TMEM117: variants seen among roughly 807,000 people sequenced by gnomAD.
TMEM117 encodes transmembrane protein 117.
In TMEM117, 27 loss-of-function variants were observed where a neutral mutation model predicts 52.4. The observed-to-expected ratio is 0.51, with a 90% CI of 0.38 to 0.71. TMEM117 has a LOEUF of 0.71. Among genes scored for constraint, TMEM117 ranks in the 30% least tolerant of loss-of-function variants. TMEM117 has a pLI of 0.00. For synonymous variants in TMEM117, 215 were observed against 206.3 expected (o/e 1.04, Z -0.36); for missense variants, 556 against 630.5 (o/e 0.88, Z 1.26).
At chr12:44,101,738 TC>T (rs1947864632) in intron 3 of TMEM117, among the ~76,000 whole-genome samples, 1 of 152,032 alleles carries the variant, frequency 6.6e-6, no homozygotes, top group Non-Finnish European at 1.5e-5. Context: ...CTTATGTCCT[TC>T]CACTCTCCTC....
chr12:44,102,390 A>G (rs1263377995), intron 3 of TMEM117, among the ~76,000 whole-genome samples: 1 of 151,998 alleles, frequency 6.6e-6, no homozygotes, highest in Non-Finnish European at 1.5e-5. Flanking sequence ...AATGTGGAGA[A>G]GTGAGTTAGG....
intron 3 of TMEM117, among the ~76,000 whole-genome samples, chr12:44,026,390 C>G (rs1434130160): frequency 6.6e-6 from 1 of 152,104 alleles, no homozygotes; most frequent in African/African-American, 2.4e-5. Context: ...ACATGCTGGC[C>G]CAGATGCCTC....
rs116989865 is a variant in TMEM117, at chr12:43,878,021, G to A, written c.277+33093G>A. On this transcript the variant is annotated intron_variant, in intron 2 of 7. Transcript: ENST00000266534. ...CTCAAGTTCTTAAAACTGTATCTTA[G>A]TGTGTGCATGTATATCTTAGGATTG... Among the ~76,000 whole-genome samples, 850 of 151,824 alleles carry A rather than the reference G, an allele frequency of 5.6e-3. 17 individuals carry two copies. Among genetic ancestry groups the A allele is most frequent in the Admixed American group, 0.03 (454 of 15,152 alleles).
intron 4 of TMEM117, among the ~76,000 whole-genome samples, chr12:44,149,058 T>C (rs1309973066): frequency 6.6e-6 from 1 of 152,134 alleles, no homozygotes; most frequent in African/African-American, 2.4e-5. Flanking sequence ...TGAACACTCT[T>C]GAATGGAAGT....
intron 3 of TMEM117, among the ~76,000 whole-genome samples, chr12:44,118,809 A>G (rs1193283415): frequency 6.6e-6 from 1 of 152,140 alleles, no homozygotes; most frequent in Non-Finnish European, 1.5e-5. Flanking sequence ...TTATAACACC[A>G]TTTAATTAAT....
chr12:43,913,686 G>A (rs1294921875), intron 2 of TMEM117, among the ~76,000 whole-genome samples: 2 of 151,990 alleles, frequency 1.3e-5, no homozygotes, highest in Non-Finnish European at 2.9e-5. Flanking sequence ...TTTACAGTAT[G>A]CATTATATTG....
intron 3 of TMEM117, among the ~76,000 whole-genome samples, chr12:43,959,565 G>C (rs1945368512): frequency 6.6e-6 from 1 of 152,142 alleles, no homozygotes; most frequent in African/African-American, 2.4e-5. Context: ...TATTGATTGA[G>C]TAGTAGAAGC....
rs1375943182 is a variant in TMEM117 at position 43,909,965 on chromosome 12, A to G, written c.278-34245A>G. ...TCTGAAACTATTCCAATCAATAGAAAAAGAGGGAATCCTCCCTAACTCATT... is the reference window on the plus strand; with the variant it reads ...TCTGAAACTATTCCAATCAATAGAAGAAGAGGGAATCCTCCCTAACTCATT... On this transcript the variant is annotated intron_variant, in intron 2 of 7. Transcript: ENST00000266534. 3.0e-5 allele frequency among the ~76,000 whole-genome samples: 4 copies of G among 134,122 alleles called. 1 individual carries two copies. The highest frequency in any genetic ancestry group is 6.6e-5 in the Non-Finnish European group (4 of 60,946). The allele number at this position is 134,122 out of a possible 152,430, so 88.0% of individuals were successfully genotyped here. A position where few individuals can be genotyped will look rare whatever the true frequency, so the allele number is the denominator to read the frequency against.
chr12:44,148,947 A>G (rs1948683393), intron 4 of TMEM117, among the ~76,000 whole-genome samples: 1 of 152,148 alleles, frequency 6.6e-6, no homozygotes, highest in African/African-American at 2.4e-5. Context: ...AGGGTATCAT[A>G]TATATTAACC....
chr12:44,146,242 G>A (rs1039347123), intron 4 of TMEM117, among the ~76,000 whole-genome samples: 4 of 152,126 alleles, frequency 2.6e-5, no homozygotes, highest in African/African-American at 7.2e-5. Flanking sequence ...CTCCTTTCAA[G>A]GTCTGGCTGA....
chr12:44,134,829 C>T (rs957057521), intron 3 of TMEM117, among the ~76,000 whole-genome samples: 6 of 152,010 alleles, frequency 3.9e-5, no homozygotes, highest in African/African-American at 9.7e-5. Context: ...AATATAATCT[C>T]GGTGACGTTA....
chr12:43,944,346 G>A lies in TMEM117; in HGVS notation c.410+4G>A. The A allele has an allele frequency of 6.2e-7, 1 of 1,608,578 alleles. No homozygotes were observed. Among genetic ancestry groups the A allele is most frequent in the African/African-American group, 1.3e-5 (1 of 74,574 alleles). ...TTCTAATGGATGGGAACATGGGGTAGGTTTTCTTTCCCCTTTCTACTGTGG... is the reference window on the plus strand; with the variant it reads ...TTCTAATGGATGGGAACATGGGGTAAGTTTTCTTTCCCCTTTCTACTGTGG... On this transcript the variant is annotated splice_donor_region_variant and intron_variant, in intron 3 of 7. Coordinates refer to ENST00000266534, the MANE Select transcript of TMEM117 (RefSeq NM_032256.3).
At chr12:44,398,765 T>C in the TMEM117 span, among the ~76,000 whole-genome samples, 1 of 152,320 alleles carries the variant, frequency 6.6e-6, no homozygotes, top group South Asian at 2.1e-4. Context: ...CCAACTGAAA[T>C]AATGCCAAAG....
chr12:44,057,056 G>A (rs1034408474), intron 3 of TMEM117, among the ~76,000 whole-genome samples: 5 of 152,210 alleles, frequency 3.3e-5, no homozygotes, highest in African/African-American at 4.8e-5. Context: ...AATGACCTTC[G>A]GAAAGAAACT....
chr12:43,945,397 T>G (rs1465546326), intron 3 of TMEM117, among the ~76,000 whole-genome samples: 1 of 152,204 alleles, frequency 6.6e-6, no homozygotes, highest in African/African-American at 2.4e-5. Flanking sequence ...GCTCACTCAC[T>G]GCAACCTCTG....
chr12:44,185,019 C>G (rs1003401515), intron 4 of TMEM117, among the ~76,000 whole-genome samples: 2 of 152,170 alleles, frequency 1.3e-5, no homozygotes, highest in Non-Finnish European at 2.9e-5. Context: ...ACCATGTCAC[C>G]TCTTTCAGGA....
chr12:44,196,899 T>C (rs1949427904), intron 4 of TMEM117, among the ~76,000 whole-genome samples: 1 of 152,242 alleles, frequency 6.6e-6, no homozygotes, highest in Non-Finnish European at 1.5e-5. Context: ...GATGGTTGAG[T>C]TACCAGTCTT....
intron 4 of TMEM117, among the ~76,000 whole-genome samples, chr12:44,154,805 T>TAAA (rs113409705): frequency 8.6e-5 from 13 of 151,658 alleles, no homozygotes; most frequent in African/African-American, 2.9e-4. Flanking sequence ...TGATTTTTTT[T>TAAA]AAAAAAAATA....
At chr12:44,177,865 T>C (rs1949137567) in intron 4 of TMEM117, among the ~76,000 whole-genome samples, 3 of 152,194 alleles carry the variant, frequency 2.0e-5, no homozygotes, top group Non-Finnish European at 4.4e-5. Flanking sequence ...CTTCCAGCTC[T>C]TGACAAGTCT....
Sources: gnomAD v4.1 joint callset for allele counts (sites outside exome capture counted in the v4.1 genomes callset) on GRCh38, gnomAD v4.1.1 for gene constraint, MANE v1.5 for transcripts, NCBI Gene and HGNC (gene_info 2026-07-23, HGNC 2026-07-21) for gene names.